ITPR2: variants seen among roughly 807,000 people sequenced by gnomAD.
ITPR2 encodes inositol 1,4,5-trisphosphate receptor type 2.
A neutral mutation model predicts 317.1 loss-of-function variants in ITPR2; 207 were observed. That is an observed-to-expected ratio of 0.65 (90% CI 0.58 to 0.73). The LOEUF is 0.73. Ranked by LOEUF, ITPR2 falls within the 30% of genes least tolerant of loss-of-function variation. The probability of loss-of-function intolerance (pLI) is 0.00; values close to 1 mark genes in which losing one functional copy is unlikely to be tolerated. For synonymous variants in ITPR2, 1,156 were observed against 1,149.1 expected (o/e 1.01, Z -0.12); for missense variants, 2,613 against 3,284.0 (o/e 0.80, Z 4.99).
intron 1 of ITPR2, among the ~76,000 whole-genome samples, chr12:26,804,141 A>G (rs1403591714): frequency 6.6e-6 from 1 of 152,184 alleles, no homozygotes; most frequent in Non-Finnish European, 1.5e-5. Context: ...AAAGCTAAAA[A>G]ACAAAACAAC....
chr12:26,722,863 C>T (rs1317444121), intron 4 of ITPR2, among the ~76,000 whole-genome samples: 1 of 152,120 alleles, frequency 6.6e-6, no homozygotes, highest in Non-Finnish European at 1.5e-5. Flanking sequence ...CCAAAGGAGA[C>T]CTTGAGTTTC....
chr12:26,463,212 A>G (rs1043765305), intron 45 of ITPR2, among the ~76,000 whole-genome samples: 1 of 152,248 alleles, frequency 6.6e-6, no homozygotes, highest in Non-Finnish European at 1.5e-5. Flanking sequence ...AATGAGTAAC[A>G]GTACAATCAT....
intron 37 of ITPR2, among the ~76,000 whole-genome samples, chr12:26,540,643 G>A (rs1256483414): frequency 1.3e-5 from 2 of 152,156 alleles, no homozygotes; most frequent in African/African-American, 4.8e-5. Flanking sequence ...AAAAACCCTT[G>A]AAGCAATGAG....
At chr12:26,700,107 T>C (rs1433134945) in intron 9 of ITPR2, among the ~76,000 whole-genome samples, 1 of 151,898 alleles carries the variant, frequency 6.6e-6, no homozygotes, top group Non-Finnish European at 1.5e-5. Flanking sequence ...ATAAATACAG[T>C]CAGCTGAAAT....
chr12:26,346,504 T>C (rs1371795845), intron 55 of ITPR2, among the ~76,000 whole-genome samples: 1 of 151,870 alleles, frequency 6.6e-6, no homozygotes, highest in Non-Finnish European at 1.5e-5. Flanking sequence ...GCACCTGTAA[T>C]CCCAGCTACT....
At chr12:26,518,752 T>A (rs1943594102) in intron 37 of ITPR2, among the ~76,000 whole-genome samples, 1 of 152,080 alleles carries the variant, frequency 6.6e-6, no homozygotes. Flanking sequence ...AACAATTTTT[T>A]AAAAACTTGC....
chr12:26,634,914 G>A (rs1466055437), intron 21 of ITPR2, among the ~76,000 whole-genome samples: 2 of 148,800 alleles, frequency 1.3e-5, no homozygotes, highest in Admixed American at 1.3e-4. Context: ...AAAAAAGGAA[G>A]GGACTGCTTA....
chr12:26,707,821 C>T lies in ITPR2; in HGVS notation c.951+3352G>A, dbSNP rs112322049. The stretch of plus-strand genomic sequence containing the variant: ...CTGGGAATACAGATGTGAGCCACCG[C>T]GCCTGGCCAACCTGGGCATTTTTTG... On this transcript the variant is annotated intron_variant, in intron 9 of 56. Coordinates refer to ENST00000381340, the MANE Select transcript of ITPR2 (RefSeq NM_002223.4). Among the ~76,000 whole-genome samples, 7 of 152,094 alleles carry T rather than the reference C, an allele frequency of 4.6e-5. 1 individual carries two copies. The highest frequency in any genetic ancestry group is 1.4e-4 in the African/African-American group (6 of 41,474).
chr12:26,362,754 C>T (rs1308678498), intron 55 of ITPR2, among the ~76,000 whole-genome samples: 1 of 152,170 alleles, frequency 6.6e-6, no homozygotes, highest in Non-Finnish European at 1.5e-5. Context: ...TATCGAGTTA[C>T]CCAAACTATT....
chr12:26,464,376 G>C (rs1437466298), intron 45 of ITPR2, among the ~76,000 whole-genome samples: 1 of 152,134 alleles, frequency 6.6e-6, no homozygotes, highest in Non-Finnish European at 1.5e-5. Context: ...ACGTTACCTA[G>C]ATCCCTCACA....
intron 45 of ITPR2, among the ~76,000 whole-genome samples, chr12:26,471,323 G>A (rs1001332256): frequency 6.6e-6 from 1 of 152,172 alleles, no homozygotes; most frequent in East Asian, 1.9e-4. Context: ...ACTGAACAGT[G>A]CTCTGGACTG....
chr12:26,800,404 T>C (rs1950535671), intron 1 of ITPR2, among the ~76,000 whole-genome samples: 1 of 152,144 alleles, frequency 6.6e-6, no homozygotes, highest in Non-Finnish European at 1.5e-5. Flanking sequence ...AAATAACTAT[T>C]ATGAAATGTT....
chr12:26,581,414 A>G (rs1473598145), intron 32 of ITPR2, among the ~76,000 whole-genome samples: 1 of 152,116 alleles, frequency 6.6e-6, no homozygotes, highest in African/African-American at 2.4e-5. Flanking sequence ...GTTTTTAAAG[A>G]TTTTTAGGGT....
intron 32 of ITPR2, among the ~76,000 whole-genome samples, chr12:26,592,113 C>A (rs1290883064): frequency 2.0e-5 from 3 of 152,130 alleles, no homozygotes; most frequent in African/African-American, 7.2e-5. Flanking sequence ...ATAGACGGAA[C>A]TGGAGGTCAT....
At chr12:26,607,372 A>T (rs575741418) in intron 26 of ITPR2, among the ~76,000 whole-genome samples, 1 of 152,316 alleles carries the variant, frequency 6.6e-6, no homozygotes, top group South Asian at 2.1e-4. Flanking sequence ...TATAGATTAT[A>T]ATGTAGTTGA....
chr12:26,796,005 G>C (rs1375900667), intron 1 of ITPR2, among the ~76,000 whole-genome samples: 2 of 143,426 alleles, frequency 1.4e-5, no homozygotes, highest in African/African-American at 5.0e-5. Context: ...AAAAAGGGGG[G>C]GGGGGCAACA....
chr12:26,567,379 G>A (rs1945007267), intron 34 of ITPR2, among the ~76,000 whole-genome samples: 1 of 152,278 alleles, frequency 6.6e-6, no homozygotes, highest in South Asian at 2.1e-4. Flanking sequence ...CCAGGCTGGG[G>A]AGACTCCACG....
chr12:26,466,153 C>G (rs1942165773), intron 45 of ITPR2, among the ~76,000 whole-genome samples: 1 of 152,154 alleles, frequency 6.6e-6, no homozygotes, highest in Non-Finnish European at 1.5e-5. Flanking sequence ...CACACTTCAA[C>G]ATTAATTACA....
intron 53 of ITPR2, 70 bp from the exon 54 acceptor site, chr12:26,399,111 A>G: frequency 4.6e-6 from 5 of 1,081,918 alleles, no homozygotes; most frequent in Non-Finnish European, 6.3e-6. Flanking sequence ...CATAGAGAGT[A>G]TATTCAATAA....
Sources: gnomAD v4.1 joint callset for allele counts (sites outside exome capture counted in the v4.1 genomes callset) on GRCh38, gnomAD v4.1.1 for gene constraint, MANE v1.5 for transcripts, NCBI Gene and HGNC (gene_info 2026-07-23, HGNC 2026-07-21) for gene names.